DPH6: variants seen among roughly 807,000 people sequenced by gnomAD.
DPH6 encodes diphthine--ammonia ligase.
In DPH6, 33 loss-of-function variants were observed where a neutral mutation model predicts 38.2. The observed-to-expected ratio is 0.86, with a 90% CI of 0.65 to 1.15. DPH6 has a LOEUF of 1.15. Ranked by LOEUF, DPH6 falls within the 50% of genes most tolerant of loss-of-function variation. The pLI is 0.00. For synonymous variants in DPH6, 108 were observed against 103.0 expected (o/e 1.05, Z -0.30); for missense variants, 325 against 320.0 (o/e 1.02, Z -0.12).
chr15:35,357,919 G>C (rs2052579652), intron 3 of DPH6, among the ~76,000 whole-genome samples: 2 of 152,136 alleles, frequency 1.3e-5, no homozygotes, highest in Admixed American at 1.3e-4. Context: ...CTTGTATTTG[G>C]ATGTCTGGGT....
chr15:35,208,193 C>A, the DPH6 span, among the ~76,000 whole-genome samples: 14 of 152,094 alleles, frequency 9.2e-5, no homozygotes, highest in Admixed American at 2.6e-4. Flanking sequence ...GAATACCAAA[C>A]GAAGTCCCTG....
the DPH6 span, among the ~76,000 whole-genome samples, chr15:35,146,118 T>C: frequency 6.6e-6 from 1 of 151,036 alleles, no homozygotes; most frequent in Non-Finnish European, 1.5e-5. Context: ...TGTGTATACA[T>C]ACATGCATGA....
intron 3 of DPH6, among the ~76,000 whole-genome samples, chr15:35,525,066 A>C (rs1243984272): frequency 6.6e-6 from 1 of 152,174 alleles, no homozygotes; most frequent in Admixed American, 6.5e-5. Flanking sequence ...AATTTGAAAA[A>C]CATTCAGTTC....
intron 3 of DPH6, among the ~76,000 whole-genome samples, chr15:35,458,734 A>C (rs954181724): frequency 1.3e-5 from 2 of 152,218 alleles, no homozygotes; most frequent in African/African-American, 4.8e-5. Flanking sequence ...GGAAATTAGT[A>C]ATATAGACTC....
chr15:35,392,249 T>C (rs956484715), intron 6 of DPH6, among the ~76,000 whole-genome samples: 3 of 152,220 alleles, frequency 2.0e-5, no homozygotes, highest in African/African-American at 7.2e-5. Flanking sequence ...TTCATATTCA[T>C]GGTAGCTCCA....
chr15:35,481,244 C>T (rs1424398307), intron 3 of DPH6, among the ~76,000 whole-genome samples: 1 of 152,102 alleles, frequency 6.6e-6, no homozygotes, highest in Non-Finnish European at 1.5e-5. Context: ...ACCCAACTAC[C>T]AAGTTACAGG....
At chr15:35,321,189 G>C (rs932094258) in intron 3 of DPH6, among the ~76,000 whole-genome samples, 10 of 152,210 alleles carry the variant, frequency 6.6e-5, no homozygotes, top group Admixed American at 2.6e-4. Context: ...TTTAGCTTTG[G>C]AGAGAGCTAT....
intron 5 of DPH6, among the ~76,000 whole-genome samples, chr15:35,421,358 CTT>C (rs2053502747): frequency 6.6e-6 from 1 of 152,102 alleles, no homozygotes; most frequent in Non-Finnish European, 1.5e-5. Context: ...ACAAAGTAGA[CTT>C]AGATATTTTA....
chr15:35,180,905 A>T, the DPH6 span, among the ~76,000 whole-genome samples: 1 of 152,254 alleles, frequency 6.6e-6, no homozygotes, highest in South Asian at 2.1e-4. Context: ...AGTAATTTTT[A>T]AAATTCTGTT....
At chr15:35,282,969 T>C in intron 3 of DPH6, 1 of 291,204 alleles carries the variant, frequency 3.4e-6, no homozygotes. Context: ...GGCCTGCACA[T>C]CTTGAGCTGA....
chr15:35,178,334 T>A, the DPH6 span, among the ~76,000 whole-genome samples: 1 of 152,292 alleles, frequency 6.6e-6, no homozygotes, highest in African/African-American at 2.4e-5. Flanking sequence ...TAGCTGGGAA[T>A]CTATCACAAT....
chr15:35,161,693 TCG>T, the DPH6 span, among the ~76,000 whole-genome samples: 180 of 7,064 alleles, frequency 0.025, 2 homozygotes, highest in Non-Finnish European at 0.1. Flanking sequence ...GCTAGTGTGC[TCG>T]CTCTCTCTCT....
intron 3 of DPH6, among the ~76,000 whole-genome samples, chr15:35,308,771 A>G (rs535272452): frequency 6.6e-6 from 1 of 152,332 alleles, no homozygotes; most frequent in South Asian, 2.1e-4. Context: ...TAATAAATGT[A>G]ATTTGAATGT....
chr15:35,445,823 C>T (rs1292930695), intron 5 of DPH6, among the ~76,000 whole-genome samples: 1 of 152,182 alleles, frequency 6.6e-6, no homozygotes, highest in African/African-American at 2.4e-5. Context: ...ATTGCCACTG[C>T]GGTGAGCTCA....
chr15:35,509,236 T>C lies in DPH6; in HGVS notation c.312+29038A>G, dbSNP rs1244457350. 2.6e-5 allele frequency among the ~76,000 whole-genome samples: 4 copies of C among 152,186 alleles called. No individual in the cohort carries two copies. The South Asian group carries it at 8.3e-4, about 32-fold the overall frequency. ...TTTCTTCCCATTTTTAACCATCCTG[T>C]TTTATATGTAATTCTTACAAGGCAA... is the stretch of plus-strand genomic sequence containing the variant. On this transcript the variant is annotated intron_variant, in intron 3 of 8. Coordinates refer to ENST00000256538, the MANE Select transcript of DPH6 (RefSeq NM_080650.4).
At chr15:35,404,377 CTCA>C (rs2053262696) in intron 6 of DPH6, among the ~76,000 whole-genome samples, 1 of 152,100 alleles carries the variant, frequency 6.6e-6, no homozygotes, top group Non-Finnish European at 1.5e-5. Flanking sequence ...TCTCCACATC[CTCA>C]TCAATATTTA....
At chr15:35,436,232 C>T (rs1463179426) in intron 5 of DPH6, among the ~76,000 whole-genome samples, 2 of 151,832 alleles carry the variant, frequency 1.3e-5, no homozygotes, top group Admixed American at 6.6e-5. Context: ...TTTGGGAGGC[C>T]AAGGCAGGCG....
Position 35,450,556 on chromosome 15 carries a change from A to G in DPH6, c.505+129T>C. 3.8e-6 allele frequency: 3 copies of G among 781,948 alleles called. No homozygotes were observed. In the South Asian group the frequency reaches 5.0e-5, roughly 13 times the overall value. 48.4% of individuals were successfully genotyped at this position (781,948 alleles called of 1,614,324 possible). ...TTTATGCAAGGAAGGTGCTTACTCA[A>G]TTTCTTCAGCTGTGACTCCACATTT... On this transcript the variant is annotated intron_variant, in intron 5 of 8. Transcript: ENST00000256538.
chr15:35,251,455 A>T (rs1466069170), intron 3 of DPH6, among the ~76,000 whole-genome samples: 1 of 152,144 alleles, frequency 6.6e-6, no homozygotes, highest in Non-Finnish European at 1.5e-5. Flanking sequence ...AACAGGGCTG[A>T]TCATGTCATT....
Sources: gnomAD v4.1 joint callset for allele counts (sites outside exome capture counted in the v4.1 genomes callset) on GRCh38, gnomAD v4.1.1 for gene constraint, MANE v1.5 for transcripts, NCBI Gene and HGNC (gene_info 2026-07-23, HGNC 2026-07-21) for gene names.